The following METTL22 variants were observed in gnomAD, a reference collection of about 807,000 sequenced individuals.
METTL22 encodes the protein methyltransferase 22, Kin17 lysine.
In METTL22, 51 loss-of-function variants were observed where a neutral mutation model predicts 48.4. That is an observed-to-expected ratio of 1.05 (90% CI 0.84 to 1.33). The LOEUF (loss-of-function observed/expected upper bound fraction) is 1.33, where lower values mean the gene tolerates loss of function less well. Among genes scored for constraint, METTL22 ranks in the 40% most tolerant of loss-of-function variants. The probability of loss-of-function intolerance (pLI) is 0.00; values close to 1 mark genes in which losing one functional copy is unlikely to be tolerated. For synonymous variants in METTL22, 255 were observed against 214.1 expected (o/e 1.19, Z -1.67); for missense variants, 678 against 526.9 (o/e 1.29, Z -2.81).
chr16:8,656,234 A>C, the METTL22 span, among the ~76,000 whole-genome samples: 4 of 152,228 alleles, frequency 2.6e-5, no homozygotes, highest in Non-Finnish European at 4.4e-5. Context: ...GGTGTGCACC[A>C]CTGTTCCTGG....
chr16:8,626,309 G>A (rs2056048500), intron 2 of METTL22, among the ~76,000 whole-genome samples: 1 of 152,122 alleles, frequency 6.6e-6, no homozygotes, highest in African/African-American at 2.4e-5. Context: ...AACTCCTGTG[G>A]TTTCCTGAGC....
At chr16:8,634,248 A>G (rs1641038) in intron 3 of METTL22, among the ~76,000 whole-genome samples, 150,390 of 152,334 alleles carry the variant, frequency 0.99, 74,269 homozygotes, top group Middle Eastern at 1. Context: ...TACACAGTCG[A>G]TTTCTTTCCT....
At chr16:8,629,139 G>A (rs1295446287) in intron 3 of METTL22, 29 bp downstream of exon 3, 1 of 1,595,864 alleles carries the variant, frequency 6.3e-7, no homozygotes, top group East Asian at 2.2e-5. Flanking sequence ...TGGCCCACCT[G>A]TCACCAAGGC....
intron 3 of METTL22, among the ~76,000 whole-genome samples, chr16:8,632,866 C>A (rs1342133153): frequency 6.6e-6 from 1 of 152,144 alleles, no homozygotes; most frequent in African/African-American, 2.4e-5. Flanking sequence ...AGCTAGCCAC[C>A]CATTGAGGAC....
chr16:8,626,284 C>T (rs866623714), intron 2 of METTL22, among the ~76,000 whole-genome samples: 3 of 152,150 alleles, frequency 2.0e-5, no homozygotes, highest in Non-Finnish European at 4.4e-5. Context: ...GCTGTCCCCC[C>T]ACTTTCATTA....
intron 3 of METTL22, among the ~76,000 whole-genome samples, chr16:8,633,949 G>A (rs1190107083): frequency 3.3e-5 from 5 of 152,250 alleles, no homozygotes; most frequent in South Asian, 2.1e-4. Context: ...TGTTGGTTCA[G>A]TGAAGGAACT....
In METTL22 at chr16:8,644,733, C is replaced by G. The variant is rs781210005; in HGVS notation, c.1179+8C>G. 6.4e-6 allele frequency: 10 copies of G among 1,560,918 alleles called. No homozygotes were observed. Among genetic ancestry groups the G allele is most frequent in the Non-Finnish European group, 8.7e-6 (10 of 1,152,342 alleles). Reference sequence around the variant, plus strand: ...GAGCGCCTCCAGCAACTGGTAGGTCCAGGCCCCGAAGCAGGGCCGTTGGTT... The same window carrying G: ...GAGCGCCTCCAGCAACTGGTAGGTCGAGGCCCCGAAGCAGGGCCGTTGGTT... On this transcript the variant is annotated splice_region_variant and intron_variant, in intron 10 of 10. Coordinates refer to ENST00000381920, the MANE Select transcript of METTL22 (RefSeq NM_024109.4).
At position 8,647,410 on chromosome 16, in the gene METTL22, G is replaced by C. The variant is rs1253079317; in HGVS notation, c.*1267G>C. 1 of 152,230 alleles carries C rather than the reference G, an allele frequency of 6.6e-6. No individual in the cohort carries two copies. The highest frequency in any genetic ancestry group is 1.5e-5 in the Non-Finnish European group (1 of 68,064). 9.4% of individuals were successfully genotyped at this position (152,230 alleles called of 1,614,324 possible). A position where few individuals can be genotyped will look rare whatever the true frequency, so the allele number is the denominator to read the frequency against. ...AAACAGTAGATGCTCAACACATATT[G>C]TTGAATGAATTGCTAATGTAAGTTA... On this transcript the variant is annotated 3_prime_UTR_variant, in exon 11 of 11. Coordinates refer to ENST00000381920, the MANE Select transcript of METTL22 (RefSeq NM_024109.4).
chr16:8,642,445 C>G lies in METTL22; in HGVS notation c.908-18C>G. ...TTTGCGTGTTTTCCTCTAATGCTGG[C>G]CTTTTTGCTTCCCACAGTGTTTTAC... On this transcript the variant is annotated intron_variant, in intron 8 of 10. Coordinates refer to ENST00000381920, the MANE Select transcript of METTL22 (RefSeq NM_024109.4). 1 of 1,610,886 alleles carries G rather than the reference C, an allele frequency of 6.2e-7. No individual in the cohort carries two copies. Among genetic ancestry groups the G allele is most frequent in the Non-Finnish European group, 8.5e-7 (1 of 1,177,044 alleles).
At chr16:8,653,256 A>G (rs536764856), downstream of METTL22, among the ~76,000 whole-genome samples, 66 of 152,308 alleles carry the variant, frequency 4.3e-4, no homozygotes, top group African/African-American at 1.3e-3. Flanking sequence ...GTGAATTTTA[A>G]CCCTCTGTTA....
chr16:8,640,449 G>A (rs987057800), intron 6 of METTL22, among the ~76,000 whole-genome samples: 4 of 151,202 alleles, frequency 2.6e-5, no homozygotes, highest in Non-Finnish European at 4.4e-5. Context: ...GTCTGGCACC[G>A]TCCCTGACAC....
chr16:8,654,770 G>A, the METTL22 span, among the ~76,000 whole-genome samples: 1 of 152,184 alleles, frequency 6.6e-6, no homozygotes, highest in African/African-American at 2.4e-5. Context: ...AGAATGCATA[G>A]AATGAGACTA....
intron 6 of METTL22, chr16:8,639,393 C>A: frequency 1.7e-6 from 1 of 579,372 alleles, no homozygotes; most frequent in Non-Finnish European, 3.1e-6. Flanking sequence ...CCAGCTCTTT[C>A]TCTCCCGGAC....
chr16:8,660,375 C>T, the METTL22 span, among the ~76,000 whole-genome samples: 1 of 151,930 alleles, frequency 6.6e-6, no homozygotes, highest in African/African-American at 2.4e-5. Context: ...ATGGGGGTTT[C>T]ACCATGTTGG....
At chr16:8,631,981 G>A (rs2056278367) in intron 3 of METTL22, 2 of 152,232 alleles carry the variant, frequency 1.3e-5, no homozygotes, top group African/African-American at 4.8e-5. Context: ...CTGGGCATTT[G>A]TTGTGATCTC....
At chr16:8,653,120 C>T (rs2056922557), downstream of METTL22, among the ~76,000 whole-genome samples, 2 of 152,126 alleles carry the variant, frequency 1.3e-5, no homozygotes, top group Non-Finnish European at 1.5e-5. Flanking sequence ...ACCAGGGAGG[C>T]CTTCCAGACT....
chr16:8,646,107 G>C lies in METTL22; in HGVS notation c.1180-1G>C. On this transcript the variant is annotated splice_acceptor_variant, in intron 10 of 10. Coordinates refer to ENST00000381920, the MANE Select transcript of METTL22 (RefSeq NM_024109.4). LOFTEE classifies it high-confidence loss of function. ...CCTGTTCTTTTCTCTGTTTGCTGCA[G>C]GAGCTCTGGAAGATCATCGCAGAAC... 7.2e-7 allele frequency: 1 copy of C among 1,384,756 alleles called. No individual in the cohort carries two copies. The highest frequency in any genetic ancestry group is 9.4e-7 in the Non-Finnish European group (1 of 1,065,150). 85.8% of individuals were successfully genotyped at this position (1,384,756 alleles called of 1,614,324 possible).
the METTL22 span, among the ~76,000 whole-genome samples, chr16:8,664,145 T>C: frequency 2.6e-5 from 4 of 151,838 alleles, no homozygotes; most frequent in South Asian, 4.2e-4. Flanking sequence ...TGAAGTGCAA[T>C]GGCGTGATGT....
chr16:8,631,434 C>T (rs995971068), intron 3 of METTL22: 2 of 152,206 alleles, frequency 1.3e-5, no homozygotes, highest in Non-Finnish European at 2.9e-5. Flanking sequence ...GCTGGAGAAT[C>T]GGGCAAGTCG....
Sources: gnomAD v4.1 joint callset for allele counts (sites outside exome capture counted in the v4.1 genomes callset) on GRCh38, gnomAD v4.1.1 for gene constraint, MANE v1.5 for transcripts, NCBI Gene and HGNC (gene_info 2026-07-23, HGNC 2026-07-21) for gene names.